Variants in COL20A1 observed in about 807,000 individuals in gnomAD.
COL20A1 encodes collagen type XX alpha 1 chain, also known as collagen alpha-1(XX) chain.
Under a neutral mutation model 152.9 loss-of-function variants are expected in COL20A1, and 164 were observed. The observed-to-expected ratio is 1.07, with a 90% CI of 0.94 to 1.22. COL20A1 has a LOEUF of 1.22. COL20A1 is among the 50% of genes most tolerant of loss of function. COL20A1 has a pLI of 0.00. For missense variants in COL20A1, 1,873 were observed against 1,744.8 expected (o/e 1.07, Z -1.31); for synonymous variants, 864 against 756.0 (o/e 1.14, Z -2.34).
chr20:63,305,271 A>C lies in COL20A1; in HGVS notation c.194-146A>C. ...TTACCCAGGAGCCCATGTCCCTTCC[A>C]TCAGACCCTCTCCCTTTCTGTCTCT... On this transcript the variant is annotated intron_variant, in intron 3 of 35. Transcript: ENST00000358894. This position sits in a 1 kb window ranked among gnomAD's most constrained non-coding sequence, Gnocchi z 4.9. 1.7e-6 allele frequency: 1 copy of C among 587,680 alleles called. No homozygotes were observed. The highest frequency in any genetic ancestry group is 2.7e-6 in the Non-Finnish European group (1 of 364,646). The allele number at this position is 587,680 out of a possible 1,614,324, so 36.4% of individuals were successfully genotyped here.
At position 63,305,537 on chromosome 20, in the gene COL20A1, T is replaced by C. The variant is rs1163641957; in HGVS notation, c.314T>C (p.Leu105Pro). 1 of 1,603,426 alleles carries C rather than the reference T, an allele frequency of 6.2e-7. No individual in the cohort carries two copies. The highest frequency in any genetic ancestry group is 8.5e-7 in the Non-Finnish European group (1 of 1,175,956). ...IFELTGSGRF[L>P]LARREFVIED... ...GAGCTCACTGGCTCTGGGCGCTTCC[T>C]GCTAGCTCGGAGGGAGTTTGTGAGT... is the stretch of plus-strand genomic sequence containing the variant. Residue 105 changes from leucine to proline, a missense_variant, in exon 4 of 36, where the codon CTG (leucine) becomes CCG (proline). By Grantham distance (98) the Leu-to-Pro change is moderately conservative. Transcript: ENST00000358894. This position sits in a 1 kb window ranked among gnomAD's most constrained non-coding sequence, Gnocchi z 4.9.
chr20:63,321,912 T>G, intron 26 of COL20A1, 146 bp from the exon 27 acceptor site: 1 of 593,800 alleles, frequency 1.7e-6, no homozygotes, highest in Non-Finnish European at 2.8e-6. Flanking sequence ...AAACCCCTTC[T>G]CTTCCCCTTG....
At chr20:63,316,736 G>T in intron 21 of COL20A1, 45 bp downstream of exon 21, 1 of 1,470,140 alleles carries the variant, frequency 6.8e-7, no homozygotes, top group Non-Finnish European at 9.0e-7. Flanking sequence ...CCAGGCTGGG[G>T]CCGCTGAAGA....
chr20:63,320,510 C>T, intron 25 of COL20A1, 142 bp downstream of exon 25: 3 of 831,838 alleles, frequency 3.6e-6, no homozygotes, highest in Non-Finnish European at 5.8e-6. Flanking sequence ...AGGAGGCAGC[C>T]TCAGGGCCAG....
At chr20:63,303,092 AC>A (rs1431562966) in intron 3 of COL20A1, among the ~76,000 whole-genome samples, 9 of 152,198 alleles carry the variant, frequency 5.9e-5, no homozygotes, top group African/African-American at 2.2e-4. Context: ...CCTTCAAGTA[AC>A]CACACTAGCG....
rs765307394 is a variant in COL20A1 at position 63,315,403 on chromosome 20, G to A, written c.2489-1G>A. ...ACACTGACCCTGTCTCCTCTCAGCA[G>A]CCTGCCCAGCCCTCCGCCCTGACGG... On this transcript the variant is annotated splice_acceptor_variant, in intron 19 of 35. Coordinates refer to ENST00000358894, the MANE Select transcript of COL20A1 (RefSeq NM_020882.4). LOFTEE classifies it high-confidence loss of function. 3.2e-6 allele frequency: 5 copies of A among 1,575,110 alleles called. No homozygotes were observed. The East Asian group carries it at 1.2e-4, about 36-fold the overall frequency.
At position 63,310,300 on chromosome 20, in the gene COL20A1, T is replaced by G. The variant is rs143236072; in HGVS notation, c.1264-81T>G. On this transcript the variant is annotated intron_variant, in intron 10 of 35. Coordinates refer to ENST00000358894, the MANE Select transcript of COL20A1 (RefSeq NM_020882.4). ...CTGCGGGCCCCAGCTGAGCTCACAC[T>G]CCAGCTGACGGAGTTCCTGTCCTGC... The G allele has an allele frequency of 1.3e-4, 191 of 1,498,132 alleles. 2 individuals are homozygous for G. In the African/African-American group the frequency reaches 2.2e-3, roughly 17 times the overall value. The allele number at this position is 1,498,132 out of a possible 1,614,324, so 92.8% of individuals were successfully genotyped here.
chr20:63,325,517 GCC>G (rs1470919366), intron 28 of COL20A1, 23 bp downstream of exon 28: 1 of 1,607,592 alleles, frequency 6.2e-7, no homozygotes, highest in Admixed American at 1.7e-5. Flanking sequence ...GGGCCAGGGG[GCC>G]ACAGGGGTTG....
rs751664618 is a variant in COL20A1, at chr20:63,307,486, C to T, written c.497-4C>T. On this transcript the variant is annotated splice_region_variant and splice_polypyrimidine_tract_variant and intron_variant, in intron 5 of 35. Coordinates refer to ENST00000358894, the MANE Select transcript of COL20A1 (RefSeq NM_020882.4). The stretch of plus-strand genomic sequence containing the variant: ...TAGCACCTGACCCGCTCCCACCGCC[C>T]CAGCCGGCCCCCAGTTCCGCTGCCT... 1 of 1,610,214 alleles carries T rather than the reference C, an allele frequency of 6.2e-7. No individual in the cohort carries two copies. The highest frequency in any genetic ancestry group is 1.3e-5 in the African/African-American group (1 of 74,908).
intron 2 of COL20A1, 35 bp downstream of exon 2, chr20:63,295,224 G>A (rs781328211): frequency 1.5e-5 from 22 of 1,453,976 alleles, no homozygotes; most frequent in Middle Eastern, 3.7e-4. Context: ...TGCTTGCCCC[G>A]AGGCCACGCC....
At chr20:63,329,829 T>C (rs763268753) in intron 35 of COL20A1, among the ~76,000 whole-genome samples, 168 bp downstream of exon 35, 1 of 152,104 alleles carries the variant, frequency 6.6e-6, no homozygotes, top group Non-Finnish European at 1.5e-5. Context: ...GGGTCAACTA[T>C]GGACCCCGTA....
At chr20:63,297,522 G>C (rs2067813505) in intron 2 of COL20A1, among the ~76,000 whole-genome samples, 1 of 152,022 alleles carries the variant, frequency 6.6e-6, no homozygotes. Context: ...TGCTGTGTTG[G>C]CTCGGGGCCT....
At chr20:63,326,619 G>A (rs2068253382) in intron 30 of COL20A1, 133 bp from the exon 31 acceptor site, 2 of 571,698 alleles carry the variant, frequency 3.5e-6, no homozygotes, top group Non-Finnish European at 3.0e-6. Flanking sequence ...TGGCCTGAAG[G>A]AGGCTGGGGC....
chr20:63,306,159 G>C lies in COL20A1; in HGVS notation c.496+120G>C. On this transcript the variant is annotated intron_variant, in intron 5 of 35. Transcript: ENST00000358894. This position sits in a 1 kb window ranked among gnomAD's most constrained non-coding sequence, Gnocchi z 6.9. ...GTCTGACCACACGGTCTCTGACCAC[G>C]AGGCCAGGAAGTTCTTCCTCGTGTC... 1.1e-6 allele frequency: 1 copy of C among 901,788 alleles called. No homozygotes were observed. Among genetic ancestry groups the C allele is most frequent in the Non-Finnish European group, 1.6e-6 (1 of 607,244 alleles). The allele number at this position is 901,788 out of a possible 1,614,324, so 55.9% of individuals were successfully genotyped here. A position where few individuals can be genotyped will look rare whatever the true frequency, so the allele number is the denominator to read the frequency against.
At chr20:63,309,959 C>T (rs750264954) in intron 10 of COL20A1, 44 bp downstream of exon 10, 19 of 1,520,902 alleles carry the variant, frequency 1.2e-5, no homozygotes, top group Non-Finnish European at 1.6e-5. Context: ...GGTCCTCAGC[C>T]GTAGTGAGAT....
Position 63,316,620 on chromosome 20 carries a change from G to A in COL20A1, c.2592G>A (p.Met864Ile), listed in dbSNP as rs1432369737. Residue 864 changes from methionine (M) to isoleucine (I), a missense_variant, in exon 21 of 36, where the codon ATG (methionine) becomes ATA (isoleucine). Met to Ile is a conservative substitution (Grantham distance 10). Transcript: ENST00000358894. ...ATGCGTCCATCCGGGGCGTGGCCAT[G>A]GAGCCCTCTGCCTTCGGTGGGACCC... ...KAYASIRGVA[M>I]EPSAFGGTPT... 3 of 1,581,892 alleles carry A rather than the reference G, an allele frequency of 1.9e-6. No individual in the cohort carries two copies. The highest frequency in any genetic ancestry group is 2.6e-6 in the Non-Finnish European group (3 of 1,164,352).
intron 29 of COL20A1, 94 bp from the exon 30 acceptor site, chr20:63,326,002 C>T (rs1490565510): frequency 5.3e-6 from 6 of 1,136,486 alleles, no homozygotes; most frequent in Middle Eastern, 2.0e-4. Flanking sequence ...GCTTGGGTTA[C>T]AGGGTGTGTT....
intron 21 of COL20A1, among the ~76,000 whole-genome samples, chr20:63,318,226 AGAG>A (rs1432348752): frequency 6.6e-6 from 1 of 152,092 alleles, no homozygotes; most frequent in Non-Finnish European, 1.5e-5. Context: ...CCACACCAAA[AGAG>A]GAGGGCTCCT....
chr20:63,298,757 C>T (rs530891042), intron 3 of COL20A1, among the ~76,000 whole-genome samples: 1 of 152,290 alleles, frequency 6.6e-6, no homozygotes, highest in East Asian at 1.9e-4. Flanking sequence ...GAACCCTGTT[C>T]CTAGAGCAGG....
Sources: allele counts gnomAD v4.1 joint callset (sites outside exome capture counted in the v4.1 genomes callset), GRCh38; gene constraint gnomAD v4.1.1; non-coding constraint Gnocchi (gnomAD v3.1); transcripts MANE v1.5; gene names NCBI Gene and HGNC (gene_info 2026-07-23, HGNC 2026-07-21).